Variants in TPD52L1 observed in about 807,000 individuals in gnomAD.
TPD52L1 encodes TPD52 like 1.
In TPD52L1, 18 loss-of-function variants were observed where a neutral mutation model predicts 28.7. The observed-to-expected ratio is 0.63, with a 90% CI of 0.43 to 0.93. The LOEUF is 0.93. Ranked by LOEUF, TPD52L1 falls within the 40% of genes least tolerant of loss-of-function variation. The pLI is 0.00. For missense variants in TPD52L1, 203 were observed against 254.8 expected (o/e 0.80, Z 1.39); for synonymous variants, 75 against 88.8 (o/e 0.84, Z 0.88).
intron 3 of TPD52L1, among the ~76,000 whole-genome samples, chr6:125,236,960 A>T (rs1796295791): frequency 6.6e-6 from 1 of 152,208 alleles, no homozygotes; most frequent in Non-Finnish European, 1.5e-5. Context: ...AAAATGGGAC[A>T]TTTAAAATAC....
At chr6:125,168,256 T>A (rs1284930825) in intron 1 of TPD52L1, among the ~76,000 whole-genome samples, 2 of 152,196 alleles carry the variant, frequency 1.3e-5, no homozygotes, top group Non-Finnish European at 2.9e-5. Flanking sequence ...ACATCTGGCC[T>A]CAGGAAGAGA....
At chr6:125,172,150 TTC>T (rs1491513500) in intron 1 of TPD52L1, among the ~76,000 whole-genome samples, 3 of 60,612 alleles carry the variant, frequency 4.9e-5, no homozygotes, top group African/African-American at 8.2e-5. Flanking sequence ...CTTTCTTTCT[TTC>T]TTTCTTTTCT....
At chr6:125,206,804 G>A (rs913394572) in intron 1 of TPD52L1, among the ~76,000 whole-genome samples, 2 of 140,070 alleles carry the variant, frequency 1.4e-5, no homozygotes, top group Non-Finnish European at 3.2e-5. Flanking sequence ...ATTGGGTGGT[G>A]GAGAAAGAGA....
intron 1 of TPD52L1, among the ~76,000 whole-genome samples, chr6:125,211,994 C>T (rs770607769): frequency 6.6e-6 from 1 of 152,062 alleles, no homozygotes; most frequent in African/African-American, 2.4e-5. Context: ...AGAATTGACT[C>T]GTGTTAGATT....
At chr6:125,190,253 G>A (rs1182868651) in intron 1 of TPD52L1, among the ~76,000 whole-genome samples, 2 of 152,156 alleles carry the variant, frequency 1.3e-5, no homozygotes, top group Non-Finnish European at 2.9e-5. Flanking sequence ...CCCCAATTTT[G>A]TGACCAGACC....
At chr6:125,200,344 A>G (rs1255408653) in intron 1 of TPD52L1, among the ~76,000 whole-genome samples, 2 of 152,232 alleles carry the variant, frequency 1.3e-5, no homozygotes, top group Non-Finnish European at 2.9e-5. Flanking sequence ...TAAAGAATCT[A>G]TTTGAAATAT....
At chr6:125,253,000 C>T (rs968638277) in intron 4 of TPD52L1, 5 of 152,212 alleles carry the variant, frequency 3.3e-5, no homozygotes, top group African/African-American at 1.2e-4. Flanking sequence ...CCTCCCCATG[C>T]CCAGCCTGAT....
At chr6:125,262,655 A>T (rs1030537874) in intron 6 of TPD52L1, 179 bp from the exon 7 acceptor site, 1 of 797,536 alleles carries the variant, frequency 1.3e-6, no homozygotes, top group Admixed American at 3.5e-5. Flanking sequence ...CCGAGAACCC[A>T]AGTATGAATA....
chr6:125,259,032 A>G (rs1797763958), intron 6 of TPD52L1, among the ~76,000 whole-genome samples: 1 of 152,218 alleles, frequency 6.6e-6, no homozygotes, highest in Non-Finnish European at 1.5e-5. Flanking sequence ...ATAGATATGT[A>G]TAACCCTTTT....
At chr6:125,228,239 GGAA>G (rs1248821370) in intron 2 of TPD52L1, among the ~76,000 whole-genome samples, 3 of 151,780 alleles carry the variant, frequency 2.0e-5, no homozygotes, top group Non-Finnish European at 4.4e-5. Context: ...GAGGGAGGGA[GGAA>G]GAAGAAGAAG....
At chr6:125,244,547 A>G (rs1017963944) in intron 3 of TPD52L1, among the ~76,000 whole-genome samples, 1 of 152,174 alleles carries the variant, frequency 6.6e-6, no homozygotes, top group Non-Finnish European at 1.5e-5. Flanking sequence ...CTTTTCATCT[A>G]TGGAAATGTT....
Position 125,234,491 on chromosome 6 carries a change from G to A in TPD52L1, c.284+5225G>A, listed in dbSNP as rs1044714379. 1.2e-4 allele frequency: 19 copies of A among 152,232 alleles called. No individual in the cohort carries two copies. In the South Asian group the frequency reaches 3.5e-3, roughly 28 times the overall value. 9.4% of individuals were successfully genotyped at this position (152,232 alleles called of 1,614,324 possible). A position where few individuals can be genotyped will look rare whatever the true frequency, so the allele number is the denominator to read the frequency against. On this transcript the variant is annotated intron_variant, in intron 3 of 6. Transcript: ENST00000534000. ...TTCTGCCACCTAATGCACAACTGACGGCAACTCAAAGATATCTTACACATT... is the reference window on the plus strand; with the variant it reads ...TTCTGCCACCTAATGCACAACTGACAGCAACTCAAAGATATCTTACACATT...
At chr6:125,231,457 G>A (rs949136960) in intron 3 of TPD52L1, among the ~76,000 whole-genome samples, 5 of 152,170 alleles carry the variant, frequency 3.3e-5, no homozygotes, top group East Asian at 3.8e-4. Context: ...AGGGGATAAT[G>A]TCTAATTTGT....
chr6:125,216,529 G>GTGTATA (rs1314530488), intron 1 of TPD52L1, among the ~76,000 whole-genome samples: 3 of 69,070 alleles, frequency 4.3e-5, no homozygotes, highest in South Asian at 5.6e-4. Context: ...GTATGTGTGT[G>GTGTATA]TATATATATA....
chr6:125,222,255 T>A (rs1021674033), intron 2 of TPD52L1, among the ~76,000 whole-genome samples: 1 of 152,234 alleles, frequency 6.6e-6, no homozygotes, highest in African/African-American at 2.4e-5. Context: ...GCTGGCCTTA[T>A]GAAGAACTGA....
At chr6:125,203,282 A>C (rs77949205) in intron 1 of TPD52L1, among the ~76,000 whole-genome samples, 7,388 of 152,276 alleles carry the variant, frequency 0.049, 212 homozygotes, top group Middle Eastern at 0.082. Context: ...CATCAGGAAC[A>C]TTAACTATAT....
In TPD52L1 at chr6:125,253,911, G is replaced by A. The variant is rs116126229; in HGVS notation, c.425+156G>A. The A allele has an allele frequency of 2.1e-4, 175 of 818,224 alleles. No individual in the cohort carries two copies. The African/African-American group carries it at 2.6e-3, about 12-fold the overall frequency. The allele number at this position is 818,224 out of a possible 1,614,324, so 50.7% of individuals were successfully genotyped here. A position where few individuals can be genotyped will look rare whatever the true frequency, so the allele number is the denominator to read the frequency against. ...GCTGACAATTCTGTGGAAGAATTGC[G>A]TAGCTTGGGCTTTTGACCAGACATC... On this transcript the variant is annotated intron_variant, in intron 5 of 6. Transcript: ENST00000534000.
intron 1 of TPD52L1, among the ~76,000 whole-genome samples, chr6:125,172,525 TATATA>T (rs1445459728): frequency 2.8e-5 from 2 of 71,160 alleles, no homozygotes; most frequent in African/African-American, 7.6e-5. Context: ...TATATATATA[TATATA>T]TATATATATA....
At chr6:125,204,370 C>A (rs960978247) in intron 1 of TPD52L1, among the ~76,000 whole-genome samples, 1 of 152,184 alleles carries the variant, frequency 6.6e-6, no homozygotes, top group Admixed American at 6.5e-5. Context: ...TTCTCTAGCA[C>A]ATGTTATTTG....
Sources: gnomAD v4.1 joint callset for allele counts (sites outside exome capture counted in the v4.1 genomes callset) on GRCh38, gnomAD v4.1.1 for gene constraint, MANE v1.5 for transcripts, NCBI Gene and HGNC (gene_info 2026-07-23, HGNC 2026-07-21) for gene names.